WBP11: variants seen among roughly 807,000 people sequenced by gnomAD.
The protein encoded by WBP11 is WW domain-binding protein 11.
In WBP11, 12 loss-of-function variants were observed where a neutral mutation model predicts 66.7. The observed-to-expected ratio is 0.18, with a 90% CI of 0.12 to 0.29. The LOEUF is 0.29. WBP11 is among the 10% of genes least tolerant of loss of function. The pLI is 1.00. For missense variants in WBP11, 555 were observed against 818.3 expected (o/e 0.68, Z 3.93); for synonymous variants, 255 against 273.8 (o/e 0.93, Z 0.68).
intron 8 of WBP11, among the ~76,000 whole-genome samples, chr12:14,792,507 C>T (rs1471857325): frequency 1.5e-5 from 2 of 131,288 alleles, no homozygotes; most frequent in Admixed American, 7.5e-5. Flanking sequence ...TTGGGACGGC[C>T]ATTTTCAGAA....
At chr12:14,802,701 T>G (rs1949980129) in intron 1 of WBP11, among the ~76,000 whole-genome samples, 3 of 141,852 alleles carry the variant, frequency 2.1e-5, no homozygotes, top group Non-Finnish European at 4.6e-5. Context: ...GATGGGGGGG[T>G]TAGGGGGGTG....
At chr12:14,790,883 T>C in intron 9 of WBP11, 134 bp from the exon 10 acceptor site, 1 of 870,354 alleles carries the variant, frequency 1.1e-6, no homozygotes, top group Non-Finnish European at 1.7e-6. Context: ...TTCAATAAAA[T>C]ACTTAGATGT....
At chr12:14,800,556 C>T (rs905335152) in intron 3 of WBP11, among the ~76,000 whole-genome samples, 196 bp downstream of exon 3, 3 of 152,050 alleles carry the variant, frequency 2.0e-5, no homozygotes, top group African/African-American at 7.2e-5. Context: ...GCATTATAAC[C>T]TGTAGTGAGC....
intron 3 of WBP11, among the ~76,000 whole-genome samples, chr12:14,800,449 A>T (rs892252370): frequency 5.3e-5 from 8 of 152,082 alleles, no homozygotes; most frequent in Non-Finnish European, 1.0e-4. Flanking sequence ...TTCCATCCTC[A>T]TCAGTAGACT....
At chr12:14,803,318 G>T in intron 1 of WBP11, 34 bp downstream of exon 1, 1 of 397,466 alleles carries the variant, frequency 2.5e-6, no homozygotes, top group Non-Finnish European at 4.4e-6. Context: ...CGAAAGAGGT[G>T]AGGAAGAGTA....
At chr12:14,788,567 T>C (rs1190308520) in intron 11 of WBP11, among the ~76,000 whole-genome samples, 1 of 151,964 alleles carries the variant, frequency 6.6e-6, no homozygotes, top group Non-Finnish European at 1.5e-5. Context: ...GAAATATACC[T>C]ACCACATAAA....
At chr12:14,795,394 C>T (rs1949881438) in intron 5 of WBP11, among the ~76,000 whole-genome samples, 1 of 152,118 alleles carries the variant, frequency 6.6e-6, no homozygotes, top group African/African-American at 2.4e-5. Context: ...CCAACTGTTA[C>T]AAGTATCTAG....
At chr12:14,791,025 A>G (rs1949815877) in intron 9 of WBP11, 144 bp downstream of exon 9, 10 of 846,508 alleles carry the variant, frequency 1.2e-5, no homozygotes, top group Middle Eastern at 7.1e-4. Context: ...GGCAGCCTAT[A>G]TAATGGTTCC....
In WBP11 at chr12:14,786,302, A is replaced by T. The variant is rs568040626; in HGVS notation, c.*763T>A. The T allele has an allele frequency of 6.6e-6, 1 of 152,328 alleles. No homozygotes were observed. The highest frequency in any genetic ancestry group is 1.5e-5 in the Non-Finnish European group (1 of 68,010). 9.4% of individuals were successfully genotyped at this position (152,328 alleles called of 1,614,324 possible). A position where few individuals can be genotyped will look rare whatever the true frequency, so the allele number is the denominator to read the frequency against. ...AGTATGACAATCTTAAAAAAGGGAA[A>T]TAATTACTCCTTTTTATCCCTTAAA... is the stretch of plus-strand genomic sequence containing the variant. On this transcript the variant is annotated 3_prime_UTR_variant, in exon 12 of 12. Coordinates refer to ENST00000261167, the MANE Select transcript of WBP11 (RefSeq NM_016312.3).
chr12:14,793,612 A>C, intron 8 of WBP11, 119 bp downstream of exon 8: 1 of 1,224,644 alleles, frequency 8.2e-7, no homozygotes, highest in South Asian at 1.6e-5. Flanking sequence ...AGATGAACAC[A>C]GCTATGATCC....
rs1219224954 is a variant in WBP11, at chr12:14,793,748, T to C, written c.896A>G (p.Asn299Ser). ...VHRDNGERDN[N>S]EEKKSGLSVR... is the part of the protein sequence containing the mutation. ...GCACATACCTGACTTCTTTTCTTCA[T>C]TGTTGTCTCTCTCACCATTATCACG... Residue 299 changes from asparagine to serine, a missense_variant, in exon 8 of 12, where the codon AAT becomes AGT. This residue lies in a region of WBP11 where 220 missense variants were observed against 268.2 expected (regional missense o/e 0.82). Coordinates refer to ENST00000261167, the MANE Select transcript of WBP11 (RefSeq NM_016312.3). 2 of 1,613,918 alleles carry C rather than the reference T, an allele frequency of 1.2e-6. No individual in the cohort carries two copies. The highest frequency in any genetic ancestry group is 1.3e-5 in the African/African-American group (1 of 74,914).
chr12:14,791,137 A>T, intron 9 of WBP11, 32 bp downstream of exon 9: 7 of 1,599,542 alleles, frequency 4.4e-6, no homozygotes, highest in Non-Finnish European at 6.0e-6. Flanking sequence ...GGATACACCA[A>T]AAGGTGATTC....
In WBP11 at chr12:14,786,260, TCA is replaced by T. The variant is rs1035798566; in HGVS notation, c.*803_*804del. 1.3e-5 allele frequency: 2 copies of T among 152,314 alleles called. No individual in the cohort carries two copies. Among genetic ancestry groups the T allele is most frequent in the African/African-American group, 4.8e-5 (2 of 41,576 alleles). The allele number at this position is 152,314 out of a possible 1,614,324, so 9.4% of individuals were successfully genotyped here. A position where few individuals can be genotyped will look rare whatever the true frequency, so the allele number is the denominator to read the frequency against. ...CAAACCATACTATTCTTAACACCTC[TCA>T]GTTTCTCTAAAGCCAGTATGACAAT... On this transcript the variant is annotated 3_prime_UTR_variant, in exon 12 of 12. Transcript: ENST00000261167.
chr12:14,791,396 A>G, intron 8 of WBP11, 126 bp from the exon 9 acceptor site: 1 of 643,032 alleles, frequency 1.6e-6, no homozygotes, highest in Non-Finnish European at 2.7e-6. Flanking sequence ...GCAGGATGAG[A>G]TAGCTATACT....
Position 14,790,558 on chromosome 12 carries a change from G to T in WBP11, c.1207C>A (p.Gln403Lys), listed in dbSNP as rs201505043. ...GGTGGTCCTGGCATGGGAGGTGCTTGTATCTGAGAAGGAGGAACAGACTGC... is the reference window on the plus strand; with the variant it reads ...GGTGGTCCTGGCATGGGAGGTGCTTTTATCTGAGAAGGAGGAACAGACTGC... ...PPQSVPPSQI[Q>K]APPMPGPPPL... The change falls in exon 10 of 12, where the codon CAA (glutamine) becomes AAA (lysine). Residue 403 changes from glutamine to lysine, a missense_variant. Coordinates refer to ENST00000261167, the MANE Select transcript of WBP11 (RefSeq NM_016312.3). 2 of 1,613,876 alleles carry T rather than the reference G, an allele frequency of 1.2e-6. No individual in the cohort carries two copies. The highest frequency in any genetic ancestry group is 2.7e-5 in the African/African-American group (2 of 74,924).
At chr12:14,788,294 A>G (rs35477277) in intron 11 of WBP11, among the ~76,000 whole-genome samples, 178 of 152,330 alleles carry the variant, frequency 1.2e-3, no homozygotes, top group Admixed American at 3.7e-3. Flanking sequence ...ACAATCTGTC[A>G]TCATTACTGG....
In WBP11 at chr12:14,790,471, G is replaced by A. The variant is rs761085232; in HGVS notation, c.1294C>T (p.Pro432Ser). The A allele has an allele frequency of 6.2e-7, 1 of 1,613,850 alleles. No individual in the cohort carries two copies. Among genetic ancestry groups the A allele is most frequent in the Non-Finnish European group, 8.5e-7 (1 of 1,179,770 alleles). The change falls in exon 10 of 12, where the codon CCT becomes TCT. Residue 432 changes from proline (P) to serine (S), a missense_variant. By Grantham distance (74) the Pro-to-Ser change is moderately conservative (BLOSUM62 -1). Around this residue, in one of 6 missense-constraint regions of WBP11, gnomAD observed 230 missense variants for 286.3 expected, o/e 0.80. Coordinates refer to ENST00000261167, the MANE Select transcript of WBP11 (RefSeq NM_016312.3). ...AAGTGTTTACCTGGAGGTGGACCAG[G>A]AGGAAGGCCTGTAGGTGGCCCAGGA... ...RPPGPPTGLP[P>S]GPPPGAPPFL...
chr12:14,789,467 C>T (rs1393550993), intron 10 of WBP11, among the ~76,000 whole-genome samples: 3 of 152,090 alleles, frequency 2.0e-5, no homozygotes, highest in African/African-American at 7.2e-5. Context: ...CACCTGTAAT[C>T]CCCGCTACTT....
At chr12:14,795,207 C>A (rs1949877670) in intron 5 of WBP11, 103 bp from the exon 6 acceptor site, 5 of 1,277,798 alleles carry the variant, frequency 3.9e-6, no homozygotes, top group African/African-American at 1.5e-5. Flanking sequence ...TGCTTTCCAA[C>A]TAACATAAAT....
Sources: gnomAD v4.1 joint callset for allele counts (sites outside exome capture counted in the v4.1 genomes callset) on GRCh38, gnomAD v4.1.1 for gene constraint, gnomAD v4.1.1 regional missense constraint, MANE v1.5 for transcripts, NCBI Gene and HGNC (gene_info 2026-07-23, HGNC 2026-07-21) for gene names.